The following CACNA1A variants were observed in gnomAD, a reference collection of about 807,000 sequenced individuals.
CACNA1A encodes the protein calcium voltage-gated channel subunit alpha1 A.
CACNA1A carries 57 observed loss-of-function variants against 262.4 expected under a neutral mutation model. The observed-to-expected ratio is 0.22, with a 90% CI of 0.18 to 0.27. CACNA1A has a LOEUF of 0.27. Among genes scored for constraint, CACNA1A ranks in the 10% least tolerant of loss-of-function variants. CACNA1A has a pLI of 1.00. For synonymous variants in CACNA1A, 1,431 were observed against 1,419.3 expected (o/e 1.01, Z -0.18); for missense variants, 2,526 against 3,562.8 (o/e 0.71, Z 7.41).
At chr19:13,476,465 C>T (rs969831168) in intron 1 of CACNA1A, among the ~76,000 whole-genome samples, 1 of 152,174 alleles carries the variant, frequency 6.6e-6, no homozygotes, top group African/African-American at 2.4e-5. Flanking sequence ...TGCATGAATG[C>T]ATTGAGCCCT....
intron 3 of CACNA1A, among the ~76,000 whole-genome samples, chr19:13,449,035 C>T (rs532012786): frequency 3.3e-5 from 5 of 151,634 alleles, no homozygotes; most frequent in African/African-American, 4.8e-5. Flanking sequence ...GGTGCAATCA[C>T]GGATCACTGC....
chr19:13,304,948 GTGA>G (rs2057871541), intron 15 of CACNA1A, among the ~76,000 whole-genome samples: 1 of 152,196 alleles, frequency 6.6e-6, no homozygotes, highest in African/African-American at 2.4e-5. Flanking sequence ...TGTGGTCATG[GTGA>G]TGATTAAACA....
chr19:13,467,654 G>A lies in CACNA1A; in HGVS notation c.294-12442C>T, dbSNP rs1291321920. Among the ~76,000 whole-genome samples, 8 of 151,074 alleles carry A rather than the reference G, an allele frequency of 5.3e-5. No homozygotes were observed. The Admixed American group carries it at 5.3e-4, about 10-fold the overall frequency. ...GAGTCTCAGTCTGTCGCCCAGGCTG[G>A]GGCGCAGTGGGGTGATCTCGGCTCA... On this transcript the variant is annotated intron_variant, in intron 1 of 46. Coordinates refer to ENST00000360228, the MANE Select transcript of CACNA1A (RefSeq NM_001127222.2).
intron 6 of CACNA1A, among the ~76,000 whole-genome samples, chr19:13,352,197 C>T (rs1050929718): frequency 3.9e-5 from 6 of 152,000 alleles, no homozygotes; most frequent in African/African-American, 1.2e-4. Context: ...CTTGAACTTA[C>T]GAGTTCGAGA....
intron 3 of CACNA1A, among the ~76,000 whole-genome samples, chr19:13,445,653 T>G (rs1306679707): frequency 6.6e-6 from 1 of 152,216 alleles, no homozygotes; most frequent in Non-Finnish European, 1.5e-5. Flanking sequence ...CTCTTCAATA[T>G]TTATATATAT....
At chr19:13,367,062 A>G (rs911398063) in intron 4 of CACNA1A, among the ~76,000 whole-genome samples, 1 of 152,172 alleles carries the variant, frequency 6.6e-6, no homozygotes, top group Non-Finnish European at 1.5e-5. Flanking sequence ...TGGGAAGCCG[A>G]GGCCAGCGGA....
At chr19:13,302,510 G>C (rs1043254336) in intron 17 of CACNA1A, among the ~76,000 whole-genome samples, 2 of 152,212 alleles carry the variant, frequency 1.3e-5, no homozygotes, top group East Asian at 3.8e-4. Flanking sequence ...TTAAAAACAC[G>C]TATTAAATGA....
intron 1 of CACNA1A, among the ~76,000 whole-genome samples, chr19:13,485,558 G>C (rs552111881): frequency 6.6e-6 from 1 of 151,992 alleles, no homozygotes; most frequent in South Asian, 2.1e-4. Context: ...ATCAAAAATG[G>C]ACAGAGCATG....
intron 31 of CACNA1A, among the ~76,000 whole-genome samples, chr19:13,239,232 T>C (rs1320130965): frequency 1.3e-5 from 2 of 151,868 alleles, no homozygotes; most frequent in Non-Finnish European, 2.9e-5. Flanking sequence ...TTCGGCTGTC[T>C]CCAGGCCAGC....
intron 1 of CACNA1A, among the ~76,000 whole-genome samples, chr19:13,486,822 G>A (rs1281143651): frequency 1.3e-5 from 2 of 150,482 alleles, no homozygotes; most frequent in Non-Finnish European, 3.0e-5. Flanking sequence ...TTCCATCTCT[G>A]TCTCTTTCTC....
intron 24 of CACNA1A, among the ~76,000 whole-genome samples, chr19:13,268,893 C>CA (rs1229974335): frequency 9.3e-6 from 1 of 107,948 alleles, no homozygotes. Context: ...ATAGATTCTA[C>CA]TTTTTTTTTT....
intron 24 of CACNA1A, among the ~76,000 whole-genome samples, chr19:13,270,770 C>T (rs965682550): frequency 6.6e-6 from 1 of 152,090 alleles, no homozygotes; most frequent in Non-Finnish European, 1.5e-5. Flanking sequence ...GTGTGGTAGG[C>T]GTGAGGTTTG....
At chr19:13,456,849 C>T (rs1246779484) in intron 1 of CACNA1A, among the ~76,000 whole-genome samples, 1 of 152,182 alleles carries the variant, frequency 6.6e-6, no homozygotes, top group Non-Finnish European at 1.5e-5. Flanking sequence ...CAACGGGATA[C>T]TGCTTCACAT....
In CACNA1A at chr19:13,307,524, G is replaced by A. The variant is rs2057930009; in HGVS notation, c.1986+258C>T. The A allele has an allele frequency of 7.2e-5, 31 of 430,110 alleles. No individual in the cohort carries two copies. In the South Asian group the frequency reaches 9.5e-4, roughly 13 times the overall value. 26.6% of individuals were successfully genotyped at this position (430,110 alleles called of 1,614,324 possible). On this transcript the variant is annotated intron_variant, in intron 15 of 46. Transcript: ENST00000360228. The stretch of plus-strand genomic sequence containing the variant: ...GTTGGGATTACAGGTGTGAGCCACC[G>A]TACCTGGCCAAAGTGCTGGGATTAT...
At chr19:13,225,706 A>AC (rs1419690411) in intron 37 of CACNA1A, 2 of 151,004 alleles carry the variant, frequency 1.3e-5, no homozygotes, top group African/African-American at 2.4e-5. Flanking sequence ...AGAGCAGGAC[A>AC]CTGGAGGGGA....
chr19:13,365,619 A>C lies in CACNA1A; in HGVS notation c.632-150T>G, dbSNP rs964849253. The C allele has an allele frequency of 1.0e-5, 6 of 598,888 alleles. No homozygotes were observed. In the African/African-American group the frequency reaches 1.1e-4, roughly 11 times the overall value. The allele number at this position is 598,888 out of a possible 1,614,324, so 37.1% of individuals were successfully genotyped here. ...GAGCCTGGGGATTGGGCAATGGTGA[A>C]GGAAGCACCACACGGAGGCTGATCC... is the stretch of plus-strand genomic sequence containing the variant. On this transcript the variant is annotated intron_variant, in intron 4 of 46. Coordinates refer to ENST00000360228, the MANE Select transcript of CACNA1A (RefSeq NM_001127222.2).
At chr19:13,361,249 A>C (rs2145253689) in intron 5 of CACNA1A, among the ~76,000 whole-genome samples, 1 of 152,280 alleles carries the variant, frequency 6.6e-6, no homozygotes, top group South Asian at 2.1e-4. Context: ...TGAAAATGCC[A>C]CAAGGAGAGA....
In CACNA1A at chr19:13,415,743, T is replaced by TAAAAAAAAAAAAA. The variant is rs71170510; in HGVS notation, c.539+37120_539+37132dup. 2.2e-3 allele frequency among the ~76,000 whole-genome samples: 92 copies of TAAAAAAAAAAAAA among 42,514 alleles called. 3 individuals are homozygous for TAAAAAAAAAAAAA. Among genetic ancestry groups the TAAAAAAAAAAAAA allele is most frequent in the African/African-American group, 5.6e-3 (68 of 12,158 alleles). 27.9% of individuals were successfully genotyped at this position (42,514 alleles called of 152,430 possible). ...CAACAGAGCGAGACTCTGTCTCAAT[T>TAAAAAAAAAAAAA]AAAAAAAAAAAAAAAAAAAAAAAAA... On this transcript the variant is annotated intron_variant, in intron 3 of 46. Transcript: ENST00000360228.
In CACNA1A at chr19:13,455,039, T is replaced by C. The variant is rs2060981882; in HGVS notation, c.399+68A>G. The C allele has an allele frequency of 3.3e-6, 3 of 909,280 alleles. No individual in the cohort carries two copies. The Admixed American group carries it at 5.3e-5, about 16-fold the overall frequency. 56.3% of individuals were successfully genotyped at this position (909,280 alleles called of 1,614,324 possible). A position where few individuals can be genotyped will look rare whatever the true frequency, so the allele number is the denominator to read the frequency against. On this transcript the variant is annotated intron_variant, in intron 2 of 46. Coordinates refer to ENST00000360228, the MANE Select transcript of CACNA1A (RefSeq NM_001127222.2). ...ACTGAGAGCCTCCTCTGTGCCCTGC[T>C]CCACTCCCCCAAAAATTAATGTCCT...
Sources: allele counts gnomAD v4.1 joint callset (sites outside exome capture counted in the v4.1 genomes callset), GRCh38; gene constraint gnomAD v4.1.1; transcripts MANE v1.5; gene names NCBI Gene and HGNC (gene_info 2026-07-23, HGNC 2026-07-21).